SHOC1: variants seen among roughly 807,000 people sequenced by gnomAD.
The protein encoded by SHOC1 is shortage in chiasmata 1.
In SHOC1, 136 loss-of-function variants were observed where a neutral mutation model predicts 179.2. The observed-to-expected ratio is 0.76, with a 90% CI of 0.66 to 0.87. SHOC1 has a LOEUF of 0.87. Ranked by LOEUF, SHOC1 falls within the 40% of genes least tolerant of loss-of-function variation. SHOC1 has a pLI of 0.00. For synonymous variants in SHOC1, 489 were observed against 586.6 expected, an observed-to-expected ratio of 0.83 and a Z score of 2.41; for missense variants, 1,538 against 1,700.8, an observed-to-expected ratio of 0.90 and a Z score of 1.68.
chr9:111,737,051 T>C (rs4979046), intron 12 of SHOC1, among the ~76,000 whole-genome samples: 124,118 of 152,110 alleles, frequency 0.82, 50,833 homozygotes, highest in East Asian at 0.92. Context: ...ATTAAAAAGT[T>C]GAAAAACAAT....
At chr9:111,691,479 T>C in intron 27 of SHOC1, 72 bp downstream of exon 27, 1 of 1,430,026 alleles carries the variant, frequency 7.0e-7, no homozygotes, top group Non-Finnish European at 9.4e-7. Flanking sequence ...AAAAAAATGT[T>C]AAATTTGGAG....
chr9:111,771,543 G>T (rs769082914), intron 5 of SHOC1, among the ~76,000 whole-genome samples: 9 of 151,750 alleles, frequency 5.9e-5, no homozygotes, highest in Non-Finnish European at 8.8e-5. Context: ...TGTTAATGTT[G>T]TTTTTTTTCC....
intron 20 of SHOC1, among the ~76,000 whole-genome samples, chr9:111,705,629 A>G (rs896504097): frequency 5.3e-5 from 8 of 151,924 alleles, no homozygotes; most frequent in African/African-American, 1.9e-4. Flanking sequence ...TTTTCAGTAT[A>G]TTTTCTTGCT....
intron 25 of SHOC1, 66 bp from the exon 26 acceptor site, chr9:111,694,014 G>C: frequency 7.5e-7 from 1 of 1,342,168 alleles, no homozygotes; most frequent in South Asian, 1.3e-5. Context: ...TATTCTACAA[G>C]TAAGTACATT....
chr9:111,735,545 A>C (rs1396456644), intron 12 of SHOC1, among the ~76,000 whole-genome samples: 1 of 152,154 alleles, frequency 6.6e-6, no homozygotes, highest in African/African-American at 2.4e-5. Context: ...ATAGTATTCC[A>C]TGGTGTATTA....
chr9:111,697,629 G>A (rs1831765642), intron 24 of SHOC1, among the ~76,000 whole-genome samples: 1 of 152,152 alleles, frequency 6.6e-6, no homozygotes, highest in African/African-American at 2.4e-5. Flanking sequence ...CTTTGCTATT[G>A]TGAATAGTGC....
At chr9:111,703,311 G>C (rs892426574) in intron 22 of SHOC1, among the ~76,000 whole-genome samples, 2 of 152,062 alleles carry the variant, frequency 1.3e-5, no homozygotes, top group South Asian at 4.2e-4. Flanking sequence ...CATCAAACCT[G>C]GTTTCTGCTC....
Position 111,758,807 on chromosome 9 carries a change from T to A in SHOC1, c.484A>T (p.Arg162Ter). 6.4e-7 allele frequency: 1 copy of A among 1,572,554 alleles called. No homozygotes were observed. The highest frequency in any genetic ancestry group is 8.7e-7 in the Non-Finnish European group (1 of 1,152,802). ...GTAGGCAAAGTTGGTAGGTGTTTTC[T>A]ACTACTTACAAAAAGTATTCCTTTA... ...DDKGILFVSS[R>*]KHLPTLPTLL... Residue 162 changes from arginine (R) to a stop codon, truncating the protein, a stop_gained, in exon 6 of 28, where the codon AGA becomes TGA. Transcript: ENST00000682961. LOFTEE classifies it high-confidence loss of function.
intron 3 of SHOC1, among the ~76,000 whole-genome samples, chr9:111,781,724 G>GTAAATAAATAAATAAATAAATAAATAAA (rs58575917): frequency 1.3e-4 from 17 of 135,144 alleles, no homozygotes; most frequent in African/African-American, 4.7e-4. Flanking sequence ...GTGAGACTCT[G>GTAAATAAATAAATAAATAAATAAATAAA]TAAATAAATA....
rs528445803 is a variant in SHOC1, at chr9:111,703,847, T to C, written c.2967+34A>G. On this transcript the variant is annotated intron_variant, in intron 22 of 27. Transcript: ENST00000682961. ...AATTACATAGCCATATATTTTAGTC[T>C]ATTTTAGTTTATATATTTTCTACCT... 6.8e-6 allele frequency: 7 copies of C among 1,030,478 alleles called. No homozygotes were observed. In the African/African-American group the frequency reaches 8.1e-5, roughly 12 times the overall value. 63.8% of individuals were successfully genotyped at this position (1,030,478 alleles called of 1,614,324 possible).
chr9:111,711,442 C>G (rs892374315), intron 18 of SHOC1, among the ~76,000 whole-genome samples: 6 of 152,146 alleles, frequency 3.9e-5, no homozygotes, highest in African/African-American at 1.4e-4. Flanking sequence ...TGTGTGGTAA[C>G]CTGGGATTCA....
chr9:111,702,108 G>T lies in SHOC1; in HGVS notation c.3086C>A (p.Ser1029Ter). Residue 1029 changes from serine (S) to a stop codon, truncating the protein, a stop_gained, in exon 23 of 28, where the codon TCA becomes TAA. Coordinates refer to ENST00000682961, the MANE Select transcript of SHOC1 (RefSeq NM_001378211.1). LOFTEE classifies it high-confidence loss of function. ...GGATGAAGAAATGTTTACCTACTCT[G>T]AATTTAATGTTTCTTTGGTATATAA... Reference protein sequence around the residue: ...IILYTKETLNSEYLLTEKTLH... With the variant: ...IILYTKETLN 1 of 1,479,336 alleles carries T rather than the reference G, an allele frequency of 6.8e-7. No individual in the cohort carries two copies. Among genetic ancestry groups the T allele is most frequent in the Non-Finnish European group, 9.3e-7 (1 of 1,077,814 alleles). The allele number at this position is 1,479,336 out of a possible 1,614,324, so 91.6% of individuals were successfully genotyped here.
At chr9:111,705,423 C>T (rs200229647) in intron 20 of SHOC1, 59 bp from the exon 21 acceptor site, 29 of 533,322 alleles carry the variant, frequency 5.4e-5, no homozygotes, top group Non-Finnish European at 8.4e-5. Context: ...AGCTCTTTCT[C>T]TTTTTTTTTT....
chr9:111,729,014 G>T (rs559225321), intron 12 of SHOC1, among the ~76,000 whole-genome samples: 2 of 152,264 alleles, frequency 1.3e-5, no homozygotes, highest in East Asian at 3.9e-4. Flanking sequence ...AAACAAACAA[G>T]TACATACTTT....
In SHOC1 at chr9:111,769,975, G is replaced by GTTT; in HGVS notation, c.442+5813_442+5815dup. On this transcript the variant is annotated intron_variant, in intron 5 of 27. Coordinates refer to ENST00000682961, the MANE Select transcript of SHOC1 (RefSeq NM_001378211.1). ...AATCTAGCGAAAGGTTTTATCTTCT[G>GTTT]TTTTTTTTTTGTTTTTTTTTTTTTT... 2.3e-3 allele frequency among the ~76,000 whole-genome samples: 205 copies of GTTT among 87,678 alleles called. 3 individuals are homozygous for GTTT. Among genetic ancestry groups the GTTT allele is most frequent in the South Asian group, 3.6e-3 (9 of 2,518 alleles). The allele number at this position is 87,678 out of a possible 152,430, so 57.5% of individuals were successfully genotyped here.
chr9:111,776,054 G>T, intron 4 of SHOC1, 79 bp from the exon 5 acceptor site: 2 of 1,079,824 alleles, frequency 1.9e-6, no homozygotes, highest in Non-Finnish European at 2.7e-6. Flanking sequence ...TATGTCCACT[G>T]TGGAAAAAAT....
Position 111,703,972 on chromosome 9 carries a change from T to A in SHOC1, c.2876A>T (p.Glu959Val). The A allele has an allele frequency of 6.3e-7, 1 of 1,578,408 alleles. No homozygotes were observed. Among genetic ancestry groups the A allele is most frequent in the Non-Finnish European group, 8.7e-7 (1 of 1,153,258 alleles). Residue 959 changes from glutamate to valine, a missense_variant, in exon 22 of 28, where the codon GAG (glutamate) becomes GTG (valine). Transcript: ENST00000682961. ...LESNYNISLV[E>V]RGCSESLKLF... is the part of the protein sequence containing the mutation. ...TTTCAATGACTCACTGCAGCCTCTC[T>A]CTACTAGTGAGATGTTATAGCTGTA...
chr9:111,690,129 A>G (rs1341980509), intron 27 of SHOC1, among the ~76,000 whole-genome samples: 1 of 152,218 alleles, frequency 6.6e-6, no homozygotes, highest in Non-Finnish European at 1.5e-5. Flanking sequence ...CAGCATATTA[A>G]AAGAATCTCT....
chr9:111,710,191 T>C (rs1183709128), intron 18 of SHOC1, among the ~76,000 whole-genome samples: 1 of 152,200 alleles, frequency 6.6e-6, no homozygotes, highest in East Asian at 1.9e-4. Context: ...ATTTTGGTAC[T>C]AGTAAGGATC....
Sources: gnomAD v4.1 joint callset for allele counts (sites outside exome capture counted in the v4.1 genomes callset) on GRCh38, gnomAD v4.1.1 for gene constraint, MANE v1.5 for transcripts, NCBI Gene and HGNC (gene_info 2026-07-23, HGNC 2026-07-21) for gene names.